The following AKT3 variants were observed in gnomAD, a reference collection of about 807,000 sequenced individuals.
AKT3 encodes AKT serine/threonine kinase 3, also known as RAC-gamma serine/threonine-protein kinase.
Under a neutral mutation model 65.3 loss-of-function variants are expected in AKT3, and 15 were observed. The ratio of observed to expected loss-of-function variants is 0.23; its 90% CI spans 0.15 to 0.35. The LOEUF is 0.35. AKT3 is among the 10% of genes least tolerant of loss of function. The pLI, the probability that AKT3 is intolerant of heterozygous loss-of-function variation, is 1.00. For missense variants in AKT3, 243 were observed against 576.5 expected (o/e 0.42, Z 5.92); for synonymous variants, 206 against 183.8 (o/e 1.12, Z -0.98).
intron 12 of AKT3, 47 bp downstream of exon 12, chr1:243,545,463 G>A: frequency 2.8e-6 from 3 of 1,080,124 alleles, no homozygotes; most frequent in Non-Finnish European, 4.2e-6. Context: ...ATTCATTTTA[G>A]CAGTGCAGCC....
intron 2 of AKT3, among the ~76,000 whole-genome samples, chr1:243,760,210 C>T (rs1034681131): frequency 2.0e-5 from 3 of 150,024 alleles, no homozygotes; most frequent in Non-Finnish European, 3.0e-5. Context: ...GCCTCAACCT[C>T]CTGGGCTCAA....
intron 2 of AKT3, among the ~76,000 whole-genome samples, chr1:243,818,456 T>C (rs1201570892): frequency 6.6e-6 from 1 of 152,118 alleles, no homozygotes; most frequent in African/African-American, 2.4e-5. Context: ...ATAAAGAAAT[T>C]AGTTTGTCCA....
At chr1:243,528,135 A>C (rs1671282622) in intron 12 of AKT3, among the ~76,000 whole-genome samples, 1 of 151,734 alleles carries the variant, frequency 6.6e-6, no homozygotes, top group Non-Finnish European at 1.5e-5. Context: ...GAGATCTTAC[A>C]TTTTTTTCTG....
chr1:243,667,789 T>C (rs1297077435), intron 3 of AKT3, among the ~76,000 whole-genome samples: 1 of 152,182 alleles, frequency 6.6e-6, no homozygotes. Context: ...CTGACCCCAC[T>C]GAAGTTTCTG....
intron 8 of AKT3, among the ~76,000 whole-genome samples, chr1:243,591,473 C>T (rs1676219763): frequency 6.6e-6 from 1 of 152,080 alleles, no homozygotes; most frequent in South Asian, 2.1e-4. Context: ...CCCAAACTTC[C>T]AGCATCTGAC....
chr1:243,688,015 A>G (rs1187656112), intron 3 of AKT3: 2 of 152,034 alleles, frequency 1.3e-5, no homozygotes, highest in African/African-American at 2.4e-5. Flanking sequence ...TAGCATAAAG[A>G]AAAAAACAAG....
chr1:243,849,749 C>T (rs1264557129), intron 1 of AKT3, among the ~76,000 whole-genome samples: 1 of 151,748 alleles, frequency 6.6e-6, no homozygotes, highest in Non-Finnish European at 1.5e-5. Context: ...GGGAACACCC[C>T]TCCCCCGGCC....
At chr1:243,629,954 T>C (rs1679481596) in intron 6 of AKT3, among the ~76,000 whole-genome samples, 1 of 152,058 alleles carries the variant, frequency 6.6e-6, no homozygotes, top group Admixed American at 6.5e-5. Context: ...CTATGGCATA[T>C]ATTCCCCAGA....
chr1:243,664,753 A>T lies in AKT3; in HGVS notation c.284+19T>A. On this transcript the variant is annotated intron_variant, in intron 4 of 13. Transcript: ENST00000673466. ...TGAGTGTTGCTTTTTCACAAAATGAAAACAAGTGAATTTCTTACCTTTCCT... is the reference window on the plus strand; with the variant it reads ...TGAGTGTTGCTTTTTCACAAAATGATAACAAGTGAATTTCTTACCTTTCCT... 7.5e-7 allele frequency: 1 copy of T among 1,336,732 alleles called. No individual in the cohort carries two copies. The highest frequency in any genetic ancestry group is 1.5e-5 in the African/African-American group (1 of 65,512). 82.8% of individuals were successfully genotyped at this position (1,336,732 alleles called of 1,614,324 possible).
chr1:243,513,599 T>A (rs1237851855), intron 12 of AKT3, among the ~76,000 whole-genome samples: 1 of 152,188 alleles, frequency 6.6e-6, no homozygotes, highest in African/African-American at 2.4e-5. Flanking sequence ...AAAGCAGGTT[T>A]TCAAAATAAG....
rs1349779843 is a variant in AKT3 at position 243,521,191 on chromosome 1, A to C, written c.1252-8765T>G. Among the ~76,000 whole-genome samples the C allele has an allele frequency of 2.0e-5, 3 of 152,232 alleles. No homozygotes were observed. The South Asian group carries it at 6.2e-4, about 32-fold the overall frequency. On this transcript the variant is annotated intron_variant, in intron 12 of 13. Transcript: ENST00000673466. Reference sequence around the variant, plus strand: ...GTGATTGTGGTATCTTAATTGCCTTAACAACTGTGGTTATTTCCACCACTT... The same window carrying C: ...GTGATTGTGGTATCTTAATTGCCTTCACAACTGTGGTTATTTCCACCACTT...
At chr1:243,538,674 C>T (rs1672093637) in intron 12 of AKT3, among the ~76,000 whole-genome samples, 1 of 151,688 alleles carries the variant, frequency 6.6e-6, no homozygotes, top group Non-Finnish European at 1.5e-5. Context: ...ATATTGCTGC[C>T]ATCTATACAG....
At chr1:243,559,981 A>G (rs573476041) in intron 10 of AKT3, among the ~76,000 whole-genome samples, 27 of 152,248 alleles carry the variant, frequency 1.8e-4, no homozygotes, top group Admixed American at 1.6e-3. Flanking sequence ...AACACTGACC[A>G]TGTAAATCTG....
chr1:243,649,082 A>G (rs1041408999), intron 4 of AKT3, among the ~76,000 whole-genome samples: 10 of 151,974 alleles, frequency 6.6e-5, no homozygotes, highest in African/African-American at 1.4e-4. Context: ...ACAAATTTTG[A>G]TATGTATTAT....
rs2148346041 is a variant in AKT3 at position 243,505,392 on chromosome 1, C to G, written c.1355-58G>C. 4 of 1,459,716 alleles carry G rather than the reference C, an allele frequency of 2.7e-6. No homozygotes were observed. The South Asian group carries it at 4.7e-5, about 17-fold the overall frequency. The allele number at this position is 1,459,716 out of a possible 1,614,324, so 90.4% of individuals were successfully genotyped here. On this transcript the variant is annotated intron_variant, in intron 13 of 13. Coordinates refer to ENST00000673466, the MANE Select transcript of AKT3 (RefSeq NM_005465.7). ...ACATTCATTTTTTGCAACATTATCTCTAGTCTATGTTTTTTAAACTCTGAA... is the reference window on the plus strand; with the variant it reads ...ACATTCATTTTTTGCAACATTATCTGTAGTCTATGTTTTTTAAACTCTGAA...
Position 243,796,444 on chromosome 1 carries a change from G to A in AKT3, c.46+46681C>T, listed in dbSNP as rs140650289. 5.4e-3 allele frequency among the ~76,000 whole-genome samples: 816 copies of A among 152,298 alleles called. 3 individuals are homozygous for A. The highest frequency in any genetic ancestry group is 0.01 in the Middle Eastern group (3 of 294). On this transcript the variant is annotated intron_variant, in intron 2 of 13. Transcript: ENST00000673466. ...TGATTTTTGCTTTTGCTGTTACATGGAAATCAGATTAAGTCACTCCCCCAC... is the reference window on the plus strand; with the variant it reads ...TGATTTTTGCTTTTGCTGTTACATGAAAATCAGATTAAGTCACTCCCCCAC...
intron 6 of AKT3, among the ~76,000 whole-genome samples, chr1:243,627,671 G>A (rs1041999906): frequency 1.3e-5 from 2 of 152,176 alleles, no homozygotes; most frequent in African/African-American, 2.4e-5. Flanking sequence ...AAATACCCCA[G>A]GGTCTAACCA....
intron 4 of AKT3, among the ~76,000 whole-genome samples, chr1:243,663,560 T>C (rs966259455): frequency 1.3e-5 from 2 of 152,244 alleles, no homozygotes; most frequent in South Asian, 4.2e-4. Context: ...CTGCACATAG[T>C]AAGATTGGAA....
intron 6 of AKT3, among the ~76,000 whole-genome samples, chr1:243,619,203 G>C (rs932158866): frequency 6.6e-6 from 1 of 152,120 alleles, no homozygotes. Flanking sequence ...GAAGAGGGTA[G>C]AGAAATGTTA....
Sources: gnomAD v4.1 joint callset for allele counts (sites outside exome capture counted in the v4.1 genomes callset) on GRCh38, gnomAD v4.1.1 for gene constraint, MANE v1.5 for transcripts, NCBI Gene and HGNC (gene_info 2026-07-23, HGNC 2026-07-21) for gene names.